GLIS1: variants seen among roughly 807,000 people sequenced by gnomAD.
GLIS1 encodes GLIS family zinc finger 1, also known as zinc finger protein GLIS1.
Under a neutral mutation model 63.8 loss-of-function variants are expected in GLIS1, and 24 were observed. The ratio of observed to expected loss-of-function variants is 0.38; its 90% CI spans 0.27 to 0.53. GLIS1 has a LOEUF of 0.53. GLIS1 is among the 20% of genes least tolerant of loss of function. The pLI, the probability that GLIS1 is intolerant of heterozygous loss-of-function variation, is 0.85. For synonymous variants in GLIS1, 450 were observed against 482.5 expected (o/e 0.93, Z 0.88); for missense variants, 1,036 against 1,074.1 (o/e 0.96, Z 0.50).
At chr1:53,546,692 C>T (rs1418049541) in intron 4 of GLIS1, among the ~76,000 whole-genome samples, 2 of 152,242 alleles carry the variant, frequency 1.3e-5, no homozygotes, top group African/African-American at 4.8e-5. Flanking sequence ...CACCAAGGTG[C>T]CTCTGCTGCT....
chr1:53,643,595 G>C (rs1645810790), intron 2 of GLIS1, among the ~76,000 whole-genome samples: 1 of 152,146 alleles, frequency 6.6e-6, no homozygotes, highest in Admixed American at 6.5e-5. Context: ...GCATAACACG[G>C]CAACTATAGC....
intron 3 of GLIS1, among the ~76,000 whole-genome samples, chr1:53,596,096 G>T (rs940253457): frequency 6.6e-6 from 1 of 152,238 alleles, no homozygotes; most frequent in African/African-American, 2.4e-5. Context: ...TGAGAGCGAG[G>T]GTGGTGTATG....
chr1:53,600,614 C>T (rs886532646), intron 2 of GLIS1, among the ~76,000 whole-genome samples: 3 of 152,170 alleles, frequency 2.0e-5, no homozygotes, highest in African/African-American at 4.8e-5. Context: ...TCTCTTGGAA[C>T]GTACAGTGTA....
At chr1:53,532,370 A>G (rs1282403245) in intron 4 of GLIS1, among the ~76,000 whole-genome samples, 2 of 152,170 alleles carry the variant, frequency 1.3e-5, no homozygotes, top group African/African-American at 4.8e-5. Context: ...ACGAGAGACA[A>G]TGATGGTTCC....
At chr1:53,521,916 C>G (rs982908733) in intron 6 of GLIS1, among the ~76,000 whole-genome samples, 1 of 152,214 alleles carries the variant, frequency 6.6e-6, no homozygotes, top group Non-Finnish European at 1.5e-5. Context: ...TGCTCATCTT[C>G]CCCAGGACAA....
chr1:53,737,662 T>C, intron 2 of GLIS1, 144 bp downstream of exon 2: 1 of 801,648 alleles, frequency 1.2e-6, no homozygotes, highest in South Asian at 6.7e-5. Context: ...ACTTTCACAC[T>C]GACAAGCTAG....
rs781555347 is a variant in GLIS1, at chr1:53,526,017, C to T, written c.1483-1130G>A. 4.3e-4 allele frequency among the ~76,000 whole-genome samples: 66 copies of T among 152,138 alleles called. 1 individual carries two copies. The highest frequency in any genetic ancestry group is 2.8e-4 in the Non-Finnish European group (19 of 68,012). ...ATCTCTCCCAAGGCTTCCACAGGAC[C>T]CTGCTTGAGGACTCTGGCCGCTGCT... is the stretch of plus-strand genomic sequence containing the variant. On this transcript the variant is annotated intron_variant, in intron 5 of 10. Coordinates refer to ENST00000628545, the MANE Select transcript of GLIS1 (RefSeq NM_001367484.1). This position sits in a 1 kb window ranked among gnomAD's most constrained non-coding sequence, Gnocchi z 4.4.
intron 2 of GLIS1, among the ~76,000 whole-genome samples, chr1:53,694,204 G>C (rs1367586331): frequency 6.6e-6 from 1 of 152,152 alleles, no homozygotes; most frequent in Non-Finnish European, 1.5e-5. Context: ...AGACCAATGG[G>C]AGTTGGCCAA....
rs778874040 is a variant in GLIS1, at chr1:53,529,803, G to A, written c.1470C>T (p.Thr490=). ...NSSDRAKHQR[T]HLDTKPYACQ... Reference sequence around the variant, plus strand: ...CTGTTGGGCCTACCGTGTCTAGGTGGGTGCGCTGGTGCTTGGCGCGGTCGC... The same window carrying A: ...CTGTTGGGCCTACCGTGTCTAGGTGAGTGCGCTGGTGCTTGGCGCGGTCGC... Residue 490 remains threonine (T), a synonymous_variant, in exon 5 of 11, where the codon ACC becomes ACT. Transcript: ENST00000628545. 8 of 1,612,116 alleles carry A rather than the reference G, an allele frequency of 5.0e-6. No individual in the cohort carries two copies. The highest frequency in any genetic ancestry group is 6.8e-6 in the Non-Finnish European group (8 of 1,179,940).
intron 1 of GLIS1, among the ~76,000 whole-genome samples, chr1:53,738,326 A>ACCCCAGGC (rs1053981507): frequency 3.3e-5 from 5 of 151,684 alleles, no homozygotes; most frequent in Non-Finnish European, 7.4e-5. Flanking sequence ...TGTGGGGAGG[A>ACCCCAGGC]CCCCAGGCCC....
In GLIS1 at chr1:53,530,818, C is replaced by G. The variant is rs567861501; in HGVS notation, c.1321-866G>C. 3.3e-5 allele frequency among the ~76,000 whole-genome samples: 5 copies of G among 152,334 alleles called. No individual in the cohort carries two copies. In the South Asian group the frequency reaches 1.0e-3, roughly 32 times the overall value. On this transcript the variant is annotated intron_variant, in intron 4 of 10. Transcript: ENST00000628545. ...TGCTGCCTAGCGGAAGCAGCAGCCT[C>G]TCCTCCTTCAGTGTGATGAGCTGCT...
chr1:53,514,513 A>G (rs1644329451), intron 8 of GLIS1, 112 bp downstream of exon 8: 1 of 1,107,070 alleles, frequency 9.0e-7, no homozygotes, highest in African/African-American at 1.6e-5. Flanking sequence ...AAGGTTGGCT[A>G]TTTTCATTAT....
chr1:53,665,225 T>G (rs1222136844), intron 2 of GLIS1, among the ~76,000 whole-genome samples: 1 of 152,066 alleles, frequency 6.6e-6, no homozygotes, highest in Non-Finnish European at 1.5e-5. Flanking sequence ...GATTTGGGGC[T>G]GCTTTAGATG....
At chr1:53,547,991 T>G (rs1021836268) in intron 4 of GLIS1, among the ~76,000 whole-genome samples, 2 of 152,234 alleles carry the variant, frequency 1.3e-5, no homozygotes, top group African/African-American at 4.8e-5. Context: ...ATAAAACTTT[T>G]ACAAATATTT....
chr1:53,726,240 G>A (rs137893147), intron 2 of GLIS1, among the ~76,000 whole-genome samples: 63 of 152,142 alleles, frequency 4.1e-4, no homozygotes, highest in African/African-American at 1.3e-3. Context: ...TAGAAGGGGC[G>A]GGTAGGTCGG....
chr1:53,731,614 C>A (rs1646862164), intron 2 of GLIS1, among the ~76,000 whole-genome samples: 1 of 152,196 alleles, frequency 6.6e-6, no homozygotes, highest in Non-Finnish European at 1.5e-5. Context: ...TTGGACAAAT[C>A]ACTTTGCCTT....
chr1:53,630,649 C>T (rs1296984946), intron 2 of GLIS1, among the ~76,000 whole-genome samples: 1 of 152,154 alleles, frequency 6.6e-6, no homozygotes, highest in Non-Finnish European at 1.5e-5. Context: ...GTGTGTGCCA[C>T]CATGGCTCGC....
At chr1:53,664,713 A>G (rs966385425) in intron 2 of GLIS1, among the ~76,000 whole-genome samples, 3 of 152,200 alleles carry the variant, frequency 2.0e-5, no homozygotes, top group African/African-American at 2.4e-5. Context: ...TGCAGTGGAG[A>G]AAAACAAAGC....
intron 2 of GLIS1, among the ~76,000 whole-genome samples, chr1:53,606,964 C>G (rs572187368): frequency 6.6e-6 from 1 of 152,178 alleles, no homozygotes; most frequent in Admixed American, 6.5e-5. Flanking sequence ...AGCTCCAGCC[C>G]GGTCCAGGGC....
Sources: gnomAD v4.1 joint callset for allele counts (sites outside exome capture counted in the v4.1 genomes callset) on GRCh38, gnomAD v4.1.1 for gene constraint, Gnocchi (gnomAD v3.1) non-coding constraint, MANE v1.5 for transcripts, NCBI Gene and HGNC (gene_info 2026-07-23, HGNC 2026-07-21) for gene names.